PAIP2: variants seen among roughly 807,000 people sequenced by gnomAD.
PAIP2 encodes the protein polyadenylate-binding protein-interacting protein 2.
A neutral mutation model predicts 14.8 loss-of-function variants in PAIP2; 7 were observed. That is an observed-to-expected ratio of 0.47 (90% CI 0.27 to 0.89). PAIP2 has a LOEUF of 0.89. PAIP2 is among the 40% of genes least tolerant of loss of function. The pLI is 0.13. For missense variants in PAIP2, 122 were observed against 154.7 expected (o/e 0.79, Z 1.12); for synonymous variants, 47 against 45.3 (o/e 1.04, Z -0.15).
chr5:139,362,656 T>C (rs112561931), intron 1 of PAIP2, among the ~76,000 whole-genome samples: 3,053 of 151,924 alleles, frequency 0.02, 118 homozygotes, highest in African/African-American at 0.068. Context: ...GTGATCCACC[T>C]GCCTCGGCCT....
intron 1 of PAIP2, among the ~76,000 whole-genome samples, chr5:139,357,852 A>G (rs1001416197): frequency 6.6e-6 from 1 of 152,148 alleles, no homozygotes; most frequent in Non-Finnish European, 1.5e-5. Context: ...AATAATATTG[A>G]TATTGCTACC....
At chr5:139,368,322 A>C (rs1442020521) in intron 3 of PAIP2, among the ~76,000 whole-genome samples, 1 of 152,100 alleles carries the variant, frequency 6.6e-6, no homozygotes, top group Non-Finnish European at 1.5e-5. Flanking sequence ...CCTGGGTGAC[A>C]GAGTGAGACT....
chr5:139,354,159 CTTTCA>C lies in PAIP2; in HGVS notation c.-26-9594_-26-9590del, dbSNP rs57829540. Among the ~76,000 whole-genome samples the C allele has an allele frequency of 6.7e-3, 1,022 of 152,280 alleles. 7 individuals are homozygous for C. Among genetic ancestry groups the C allele is most frequent in the African/African-American group, 0.023 (962 of 41,564 alleles). ...GATTCAATTTAATGTCTGTAGAGTT[CTTTCA>C]TTTCAGCCTGAACGACTCACTTTAG... On this transcript the variant is annotated intron_variant, in intron 1 of 3. Coordinates refer to ENST00000265192, the MANE Select transcript of PAIP2 (RefSeq NM_016480.5).
chr5:139,347,000 G>GT (rs910702802), intron 1 of PAIP2, among the ~76,000 whole-genome samples: 3 of 151,990 alleles, frequency 2.0e-5, no homozygotes, highest in African/African-American at 7.2e-5. Context: ...TAGAGATGGG[G>GT]TTTCACCATG....
chr5:139,366,622 C>T (rs1757264258), intron 3 of PAIP2, among the ~76,000 whole-genome samples: 1 of 152,192 alleles, frequency 6.6e-6, no homozygotes, highest in South Asian at 2.1e-4. Context: ...AGTTGCCCTG[C>T]AGAGTAACAC....
intron 1 of PAIP2, chr5:139,343,218 T>A (rs920698481): frequency 6.6e-6 from 1 of 152,264 alleles, no homozygotes; most frequent in African/African-American, 2.4e-5. Flanking sequence ...AAAATTAGTC[T>A]GTTTATACTA....
At chr5:139,356,987 T>C (rs1756936007) in intron 1 of PAIP2, among the ~76,000 whole-genome samples, 1 of 152,226 alleles carries the variant, frequency 6.6e-6, no homozygotes, top group African/African-American at 2.4e-5. Context: ...GTAGTTGTCA[T>C]TTTAGTGCCT....
At chr5:139,348,568 A>G (rs2152045819) in intron 1 of PAIP2, among the ~76,000 whole-genome samples, 1 of 151,792 alleles carries the variant, frequency 6.6e-6, no homozygotes, top group South Asian at 2.1e-4. Flanking sequence ...CGTGTTAGCC[A>G]AGATGGTCTA....
chr5:139,345,618 A>C (rs986378601), intron 1 of PAIP2, among the ~76,000 whole-genome samples: 1 of 150,856 alleles, frequency 6.6e-6, no homozygotes, highest in Non-Finnish European at 1.5e-5. Context: ...GAAGAGAACT[A>C]TGCTTGAATT....
intron 1 of PAIP2, among the ~76,000 whole-genome samples, chr5:139,350,310 A>G (rs1756688660): frequency 6.6e-6 from 1 of 152,080 alleles, no homozygotes; most frequent in African/African-American, 2.4e-5. Flanking sequence ...AGATGAGTGT[A>G]ATATATACAT....
chr5:139,346,125 G>A (rs913715927), intron 1 of PAIP2, among the ~76,000 whole-genome samples: 6 of 152,160 alleles, frequency 3.9e-5, no homozygotes, highest in Admixed American at 6.5e-5. Flanking sequence ...AATTGAAAGG[G>A]TTTGCTGACT....
chr5:139,356,889 GAA>G (rs70982774), intron 1 of PAIP2, among the ~76,000 whole-genome samples: 7 of 112,468 alleles, frequency 6.2e-5, no homozygotes, highest in Non-Finnish European at 8.5e-5. Flanking sequence ...TCTGTCTCCA[GAA>G]AAAAAAAAAA....
At chr5:139,360,756 A>T (rs1757045951) in intron 1 of PAIP2, among the ~76,000 whole-genome samples, 1 of 146,546 alleles carries the variant, frequency 6.8e-6, no homozygotes. Context: ...AGCCGCACCC[A>T]GTTTGTTTCT....
intron 3 of PAIP2, among the ~76,000 whole-genome samples, chr5:139,368,131 C>G (rs930613089): frequency 1.3e-5 from 2 of 152,108 alleles, no homozygotes; most frequent in Non-Finnish European, 2.9e-5. Flanking sequence ...GTCAGGAGAT[C>G]GAGACCATCC....
At position 139,363,942 on chromosome 5, in the gene PAIP2, A is replaced by G. The variant is rs552998100; in HGVS notation, c.138+20A>G. On this transcript the variant is annotated intron_variant, in intron 2 of 3. Transcript: ENST00000265192. ...AGACAAGTTAGTTTTTTGTACAAAC[A>G]TGTTTTTATAGTCCATTCTGGCCCT... 5.7e-5 allele frequency: 92 copies of G among 1,607,786 alleles called. No homozygotes were observed. In the South Asian group the frequency reaches 9.4e-4, roughly 16 times the overall value.
At chr5:139,353,002 G>C (rs751803227) in intron 1 of PAIP2, among the ~76,000 whole-genome samples, 20 of 151,766 alleles carry the variant, frequency 1.3e-4, no homozygotes, top group Admixed American at 2.6e-4. Flanking sequence ...TGTAATCCCA[G>C]CTGCTCCGGA....
intron 1 of PAIP2, among the ~76,000 whole-genome samples, chr5:139,350,107 A>G (rs891492916): frequency 3.3e-4 from 50 of 151,450 alleles, no homozygotes; most frequent in African/African-American, 1.1e-3. Flanking sequence ...CCCTGGAGGC[A>G]GAGACTGCAG....
chr5:139,363,362 A>C (rs527858897), intron 1 of PAIP2, among the ~76,000 whole-genome samples: 1 of 152,296 alleles, frequency 6.6e-6, no homozygotes, highest in South Asian at 2.1e-4. Context: ...TGTATTTTTA[A>C]TGTATCATCT....
intron 1 of PAIP2, among the ~76,000 whole-genome samples, chr5:139,345,034 TTTGTTG>T (rs369393131): frequency 2.6e-5 from 4 of 151,752 alleles, no homozygotes; most frequent in South Asian, 4.2e-4. Context: ...CCCATGGGTT[TTTGTTG>T]TTGTTGTTGT....
Sources: allele counts gnomAD v4.1 joint callset (sites outside exome capture counted in the v4.1 genomes callset), GRCh38; gene constraint gnomAD v4.1.1; transcripts MANE v1.5; gene names NCBI Gene and HGNC (gene_info 2026-07-23, HGNC 2026-07-21).